NAALADL2: variants seen among roughly 807,000 people sequenced by gnomAD.
NAALADL2 encodes the protein N-acetylated alpha-linked acidic dipeptidase like 2.
A neutral mutation model predicts 87.2 loss-of-function variants in NAALADL2; 76 were observed. The ratio of observed to expected loss-of-function variants is 0.87; its 90% confidence interval spans 0.72 to 1.05. The LOEUF (loss-of-function observed/expected upper bound fraction) is 1.05. NAALADL2 is among the 50% of genes least tolerant of loss of function. The pLI is 0.00. For synonymous variants in NAALADL2, 354 were observed against 331.0 expected (o/e 1.07, Z -0.75); for missense variants, 1,089 against 945.8 (o/e 1.15, Z -1.99).
chr3:174,787,602 T>TATACACACAC, intron 3 of NAALADL2, among the ~76,000 whole-genome samples: 1 of 73,362 alleles, frequency 1.4e-5, no homozygotes, highest in South Asian at 6.4e-4. Context: ...TATATATATA[T>TATACACACAC]ATATATATAT....
intron 1 of NAALADL2, among the ~76,000 whole-genome samples, chr3:174,903,320 T>C (rs1732531093): frequency 6.6e-6 from 1 of 152,104 alleles, no homozygotes; most frequent in Admixed American, 6.6e-5. Flanking sequence ...ATCTGTAGTG[T>C]TTTAAAGTGT....
At chr3:175,276,331 C>T (rs1437261854) in intron 4 of NAALADL2, among the ~76,000 whole-genome samples, 4 of 144,980 alleles carry the variant, frequency 2.8e-5, no homozygotes, top group African/African-American at 7.7e-5. Flanking sequence ...GACGAAGCCT[C>T]GCTCTGCTGC....
intron 2 of NAALADL2, among the ~76,000 whole-genome samples, chr3:175,220,253 C>T (rs1743158420): frequency 6.6e-6 from 1 of 151,648 alleles, no homozygotes; most frequent in Non-Finnish European, 1.5e-5. Context: ...TTGGACAATT[C>T]CATTTTATTG....
intron 9 of NAALADL2, among the ~76,000 whole-genome samples, chr3:175,525,923 G>C (rs1193582910): frequency 6.6e-6 from 1 of 152,110 alleles, no homozygotes; most frequent in East Asian, 1.9e-4. Flanking sequence ...CTTTCTCTAA[G>C]GGATATAAAA....
intron 3 of NAALADL2, among the ~76,000 whole-genome samples, chr3:174,790,761 A>G (rs1717370414): frequency 6.6e-6 from 1 of 152,214 alleles, no homozygotes; most frequent in Non-Finnish European, 1.5e-5. Context: ...AATCATTAAC[A>G]TACCAATACA....
intron 11 of NAALADL2, among the ~76,000 whole-genome samples, chr3:175,708,989 C>T (rs1449212345): frequency 6.6e-6 from 1 of 151,256 alleles, no homozygotes; most frequent in African/African-American, 2.4e-5. Context: ...CTGTACTTTA[C>T]AACAGCTTAC....
chr3:175,102,337 C>A (rs2862011), intron 2 of NAALADL2, among the ~76,000 whole-genome samples: 32,816 of 152,022 alleles, frequency 0.22, 4,864 homozygotes, highest in African/African-American at 0.42. Flanking sequence ...TGCAGAACCT[C>A]CAGCCTTCCA....
At chr3:174,651,357 A>T (rs1724342477) in intron 2 of NAALADL2, among the ~76,000 whole-genome samples, 1 of 152,216 alleles carries the variant, frequency 6.6e-6, no homozygotes, top group East Asian at 1.9e-4. Flanking sequence ...TTTGAGGACC[A>T]AACAAAACTT....
At chr3:174,724,433 T>C (rs1311474929) in intron 2 of NAALADL2, among the ~76,000 whole-genome samples, 2 of 152,196 alleles carry the variant, frequency 1.3e-5, no homozygotes, top group African/African-American at 4.8e-5. Context: ...AAACAAATAT[T>C]GGTAGACTAA....
chr3:174,507,552 T>C, intron 1 of NAALADL2, among the ~76,000 whole-genome samples: 2 of 152,048 alleles, frequency 1.3e-5, no homozygotes. Context: ...CAATTTTTCT[T>C]ACATCTCTGT....
At chr3:175,257,889 AATGT>A (rs904400008) in intron 4 of NAALADL2, among the ~76,000 whole-genome samples, 1 of 152,206 alleles carries the variant, frequency 6.6e-6, no homozygotes, top group African/African-American at 2.4e-5. Context: ...GCCTTTAAAA[AATGT>A]ATTATATTAA....
At chr3:175,477,781 T>A (rs975078128) in intron 9 of NAALADL2, among the ~76,000 whole-genome samples, 1 of 145,492 alleles carries the variant, frequency 6.9e-6, no homozygotes, top group East Asian at 2.1e-4. Context: ...ACTGCCTCAA[T>A]AGAGCCATTC....
chr3:174,598,517 CTT>C (rs1429008425), intron 2 of NAALADL2, among the ~76,000 whole-genome samples: 1 of 152,058 alleles, frequency 6.6e-6, no homozygotes. Context: ...GTATCAGACA[CTT>C]ATTATTAATT....
At chr3:175,233,874 T>A (rs1218214876) in intron 2 of NAALADL2, 57 bp from the exon 3 acceptor site, 2 of 1,009,310 alleles carry the variant, frequency 2.0e-6, no homozygotes, top group Non-Finnish European at 2.9e-6. Context: ...CAGTCATATC[T>A]CAAAAGAATA....
At chr3:174,893,997 A>G (rs1431056489) in intron 1 of NAALADL2, among the ~76,000 whole-genome samples, 3 of 152,218 alleles carry the variant, frequency 2.0e-5, no homozygotes, top group African/African-American at 4.8e-5. Context: ...GAAGACAAAT[A>G]TAGACTGAAA....
intron 2 of NAALADL2, among the ~76,000 whole-genome samples, chr3:174,731,467 G>A (rs934656889): frequency 6.6e-6 from 1 of 152,036 alleles, no homozygotes. Context: ...TAAATGCAAG[G>A]TGTCTTATTT....
At chr3:175,645,259 C>T (rs1560906527) in intron 11 of NAALADL2, among the ~76,000 whole-genome samples, 1 of 152,006 alleles carries the variant, frequency 6.6e-6, no homozygotes, top group Non-Finnish European at 1.5e-5. Context: ...CATCCCGACT[C>T]AAAAACTACA....
At chr3:175,154,699 T>C (rs1364355767) in intron 2 of NAALADL2, among the ~76,000 whole-genome samples, 1 of 152,160 alleles carries the variant, frequency 6.6e-6, no homozygotes, top group African/African-American at 2.4e-5. Flanking sequence ...GTCATCGTGT[T>C]TGCTATATTT....
intron 1 of NAALADL2, among the ~76,000 whole-genome samples, chr3:174,524,467 A>C (rs958116887): frequency 2.6e-5 from 4 of 152,152 alleles, no homozygotes; most frequent in Non-Finnish European, 4.4e-5. Flanking sequence ...AGCTCTATGA[A>C]TTCAAATAAT....
Sources: gnomAD v4.1 joint callset for allele counts (sites outside exome capture counted in the v4.1 genomes callset) on GRCh38, gnomAD v4.1.1 for gene constraint, MANE v1.5 for transcripts, NCBI Gene and HGNC (gene_info 2026-07-23, HGNC 2026-07-21) for gene names.